MAP2K5: variants seen among roughly 807,000 people sequenced by gnomAD.
MAP2K5 encodes the protein dual specificity mitogen-activated protein kinase kinase 5.
MAP2K5 carries 49 observed loss-of-function variants against 83.1 expected under a neutral mutation model. The observed-to-expected ratio is 0.59, with a 90% confidence interval of 0.47 to 0.75. The LOEUF is 0.75. MAP2K5 is among the 30% of genes least tolerant of loss of function. The pLI is 0.00. For synonymous variants in MAP2K5, 202 were observed against 191.8 expected, an observed-to-expected ratio of 1.05 and a Z score of -0.44; for missense variants, 457 against 557.5, an observed-to-expected ratio of 0.82 and a Z score of 1.82.
At chr15:67,584,672 CTTTTTTTTTTT>C (rs36111747) in intron 4 of MAP2K5, among the ~76,000 whole-genome samples, 3 of 106,104 alleles carry the variant, frequency 2.8e-5, no homozygotes, top group Non-Finnish European at 5.4e-5. Flanking sequence ...ATATCTTCTC[CTTTTTTTTTTT>C]TTTTTTTTTT....
At chr15:67,607,092 A>G (rs942490332) in intron 8 of MAP2K5, among the ~76,000 whole-genome samples, 9 of 152,226 alleles carry the variant, frequency 5.9e-5, no homozygotes, top group Non-Finnish European at 7.3e-5. Flanking sequence ...TGGTTTTAAA[A>G]TTGACCTGAG....
chr15:67,731,363 G>A (rs1341883134), intron 17 of MAP2K5, among the ~76,000 whole-genome samples: 1 of 152,190 alleles, frequency 6.6e-6, no homozygotes, highest in African/African-American at 2.4e-5. Context: ...CAACATAAAG[G>A]TTAAAGGGCT....
chr15:67,717,089 G>A lies in MAP2K5; in HGVS notation c.1045-10827G>A, dbSNP rs1024341153. Among the ~76,000 whole-genome samples, 1 of 152,128 alleles carries A rather than the reference G, an allele frequency of 6.6e-6. No individual in the cohort carries two copies. The highest frequency in any genetic ancestry group is 2.4e-5 in the African/African-American group (1 of 41,428). On this transcript the variant is annotated intron_variant, in intron 16 of 21. Transcript: ENST00000178640. The surrounding 1 kb of genome is among the most constrained non-coding windows in gnomAD (Gnocchi z 4.1). ...ATTATGCTTTAGGAAAGTAGATCAA[G>A]TAGTTTGAAAAAAGAAGAGATGAAT...
rs1483595719 is a variant in MAP2K5, at chr15:67,769,653, A to G, written c.1186A>G (p.Ile396Val). 1.2e-6 allele frequency: 2 copies of G among 1,613,586 alleles called. No individual in the cohort carries two copies. Among genetic ancestry groups the G allele is most frequent in the Non-Finnish European group, 1.7e-6 (2 of 1,179,706 alleles). ...GTTCTCGGAGCCATTTGTACATTTC[A>G]TCACTCAGTGGTGAGCCCGTTTACA... The part of the protein sequence containing the change: ...GEFSEPFVHF[I>V]TQCMRKQPKE... Residue 396 changes from isoleucine to valine, a missense_variant, in exon 20 of 22, where the codon ATC (isoleucine) becomes GTC (valine). Physicochemically the swap from Ile to Val is conservative, Grantham distance 29 (BLOSUM62 3). Transcript: ENST00000178640. The surrounding 1 kb of genome is among the most constrained non-coding windows in gnomAD (Gnocchi z 5.2).
At chr15:67,752,545 G>T (rs1045393376) in intron 19 of MAP2K5, among the ~76,000 whole-genome samples, 40 of 151,788 alleles carry the variant, frequency 2.6e-4, no homozygotes, top group African/African-American at 9.2e-4. Context: ...GAGCCGGCTG[G>T]CAGGCACCTG....
intron 15 of MAP2K5, among the ~76,000 whole-genome samples, chr15:67,700,062 A>G (rs1373377174): frequency 6.6e-6 from 1 of 151,828 alleles, no homozygotes; most frequent in African/African-American, 2.4e-5. Flanking sequence ...TTAATTTTCT[A>G]GGTAGCCTGA....
chr15:67,736,707 T>C lies in MAP2K5; in HGVS notation c.1074+8762T>C, dbSNP rs1411013893. 1.3e-5 allele frequency among the ~76,000 whole-genome samples: 2 copies of C among 152,212 alleles called. No individual in the cohort carries two copies. Among genetic ancestry groups the C allele is most frequent in the African/African-American group, 4.8e-5 (2 of 41,442 alleles). ...ACTGGGGACCATGATTCCCTTACAATTTTTAAATAATCAATTTAGCCCCCA... is the reference window on the plus strand; with the variant it reads ...ACTGGGGACCATGATTCCCTTACAACTTTTAAATAATCAATTTAGCCCCCA... On this transcript the variant is annotated intron_variant, in intron 17 of 21. Coordinates refer to ENST00000178640, the MANE Select transcript of MAP2K5 (RefSeq NM_145160.3). This position sits in a 1 kb window ranked among gnomAD's most constrained non-coding sequence, Gnocchi z 4.3.
intron 3 of MAP2K5, among the ~76,000 whole-genome samples, chr15:67,578,884 C>T (rs1193150426): frequency 1.3e-5 from 2 of 152,162 alleles, no homozygotes; most frequent in Non-Finnish European, 2.9e-5. Flanking sequence ...TATTTGTTTT[C>T]AAACTTGACC....
intron 13 of MAP2K5, among the ~76,000 whole-genome samples, chr15:67,688,747 C>T (rs1425872194): frequency 6.6e-6 from 1 of 152,082 alleles, no homozygotes; most frequent in Non-Finnish European, 1.5e-5. Context: ...CTGTTATCTC[C>T]CTACAGAGTT....
At chr15:67,707,605 G>T (rs975043914) in intron 16 of MAP2K5, among the ~76,000 whole-genome samples, 4 of 152,232 alleles carry the variant, frequency 2.6e-5, no homozygotes, top group African/African-American at 9.6e-5. Context: ...ACCTCTGGTA[G>T]AAAAGAAAGA....
At chr15:67,767,792 A>G (rs1470674634) in intron 19 of MAP2K5, among the ~76,000 whole-genome samples, 1 of 152,122 alleles carries the variant, frequency 6.6e-6, no homozygotes, top group Non-Finnish European at 1.5e-5. Context: ...CTGTTTGATC[A>G]GCCACCCATC....
rs1164955815 is a variant in MAP2K5, at chr15:67,720,081, G to GT, written c.1045-7829dup. Among the ~76,000 whole-genome samples the GT allele has an allele frequency of 6.6e-6, 1 of 151,996 alleles. No individual in the cohort carries two copies. The highest frequency in any genetic ancestry group is 1.5e-5 in the Non-Finnish European group (1 of 67,996). The stretch of plus-strand genomic sequence containing the variant: ...AAAAGTGGGCATTTTTAAATTGAGG[G>GT]TTTTTTCCCCTTTTTTATTTATCAA... On this transcript the variant is annotated intron_variant, in intron 16 of 21. Transcript: ENST00000178640. This position sits in a 1 kb window ranked among gnomAD's most constrained non-coding sequence, Gnocchi z 5.7.
At position 67,668,355 on chromosome 15, in the gene MAP2K5, A is replaced by G. The variant is rs985057429; in HGVS notation, c.847+3710A>G. On this transcript the variant is annotated intron_variant, in intron 13 of 21. Coordinates refer to ENST00000178640, the MANE Select transcript of MAP2K5 (RefSeq NM_145160.3). The surrounding 1 kb of genome is among the most constrained non-coding windows in gnomAD (Gnocchi z 4.0). Reference sequence around the variant, plus strand: ...ACGTGTGATAATTCCACATGAGGACATAATCATTAAAAATGTTTGAAATGC... The same window carrying G: ...ACGTGTGATAATTCCACATGAGGACGTAATCATTAAAAATGTTTGAAATGC... Among the ~76,000 whole-genome samples the G allele has an allele frequency of 2.0e-5, 3 of 152,228 alleles. No individual in the cohort carries two copies. Among genetic ancestry groups the G allele is most frequent in the African/African-American group, 7.2e-5 (3 of 41,474 alleles).
At chr15:67,704,531 A>G (rs1361894051) in intron 16 of MAP2K5, among the ~76,000 whole-genome samples, 1 of 152,206 alleles carries the variant, frequency 6.6e-6, no homozygotes, top group African/African-American at 2.4e-5. Flanking sequence ...TTGTATTTGT[A>G]AGGAAATAAT....
chr15:67,643,644 C>G (rs1489746342), intron 9 of MAP2K5, among the ~76,000 whole-genome samples: 1 of 152,120 alleles, frequency 6.6e-6, no homozygotes, highest in Admixed American at 6.5e-5. Context: ...GATGGGGTTT[C>G]ACCGTGTTAG....
In MAP2K5 at chr15:67,698,409, C is replaced by T. The variant is rs550227300; in HGVS notation, c.972+4841C>T. Among the ~76,000 whole-genome samples the T allele has an allele frequency of 5.9e-5, 9 of 152,188 alleles. No homozygotes were observed. The highest frequency in any genetic ancestry group is 1.7e-4 in the African/African-American group (7 of 41,522). On this transcript the variant is annotated intron_variant, in intron 15 of 21. Coordinates refer to ENST00000178640, the MANE Select transcript of MAP2K5 (RefSeq NM_145160.3). This position sits in a 1 kb window ranked among gnomAD's most constrained non-coding sequence, Gnocchi z 4.5. ...TGCGCCATGTTGGCCATGCTGGTCT[C>T]GAACTCCTGGCCTCAAGTGATCCAC...
At chr15:67,761,832 C>T (rs960374099) in intron 19 of MAP2K5, among the ~76,000 whole-genome samples, 5 of 152,102 alleles carry the variant, frequency 3.3e-5, no homozygotes, top group African/African-American at 4.8e-5. Context: ...TTATGATCTA[C>T]CTTTAAGAGT....
rs1354725752 is a variant in MAP2K5, at chr15:67,783,403, C to T, written c.1242+10651C>T. 6.6e-6 allele frequency among the ~76,000 whole-genome samples: 1 copy of T among 152,204 alleles called. No individual in the cohort carries two copies. The highest frequency in any genetic ancestry group is 2.4e-5 in the African/African-American group (1 of 41,444). On this transcript the variant is annotated intron_variant, in intron 21 of 21. Transcript: ENST00000178640. The surrounding 1 kb of genome is among the most constrained non-coding windows in gnomAD (Gnocchi z 5.1). ...AGTCCCCAGATGCGTGAGGCATCCT[C>T]ACACAGTCATGTCTTTGCTTGTGCT... is the stretch of plus-strand genomic sequence containing the variant.
chr15:67,628,974 A>T (rs2086394944), intron 8 of MAP2K5: 2 of 763,370 alleles, frequency 2.6e-6, no homozygotes, highest in Admixed American at 3.4e-5. Context: ...CAATTTCAAC[A>T]ATCAGTCTTC....
Sources: gnomAD v4.1 joint callset for allele counts (sites outside exome capture counted in the v4.1 genomes callset) on GRCh38, gnomAD v4.1.1 for gene constraint, Gnocchi (gnomAD v3.1) non-coding constraint, MANE v1.5 for transcripts, NCBI Gene and HGNC (gene_info 2026-07-23, HGNC 2026-07-21) for gene names.